NUBPL: variants seen among roughly 807,000 people sequenced by gnomAD.
NUBPL encodes iron-sulfur cluster transfer protein NUBPL.
Under a neutral mutation model 45.7 loss-of-function variants are expected in NUBPL, and 31 were observed. The observed-to-expected ratio is 0.68, with a 90% confidence interval of 0.51 to 0.92. The LOEUF (loss-of-function observed/expected upper bound fraction) is 0.92. Ranked by LOEUF, NUBPL falls within the 40% of genes least tolerant of loss-of-function variation. The probability of loss-of-function intolerance (pLI) is 0.00; values close to 1 mark genes in which losing one functional copy is unlikely to be tolerated. For synonymous variants in NUBPL, 144 were observed against 140.9 expected (o/e 1.02, Z -0.15); for missense variants, 401 against 398.7 (o/e 1.01, Z -0.05).
intron 6 of NUBPL, among the ~76,000 whole-genome samples, chr14:31,766,124 A>C (rs2038907723): frequency 6.6e-6 from 1 of 152,228 alleles, no homozygotes; most frequent in Non-Finnish European, 1.5e-5. Flanking sequence ...TAAGTTTTAA[A>C]GGAGTTTGGT....
chr14:31,639,672 G>T (rs886948066), intron 4 of NUBPL, among the ~76,000 whole-genome samples: 10 of 152,318 alleles, frequency 6.6e-5, no homozygotes, highest in African/African-American at 2.4e-4. Context: ...GTTTGTCTGT[G>T]CCCTACCCCA....
chr14:31,685,439 G>A (rs1342077791), intron 6 of NUBPL, among the ~76,000 whole-genome samples: 1 of 152,040 alleles, frequency 6.6e-6, no homozygotes, highest in African/African-American at 2.4e-5. Context: ...AGAATTTGGG[G>A]GCTGGGTGAG....
intron 6 of NUBPL, among the ~76,000 whole-genome samples, chr14:31,757,850 C>G (rs1057311866): frequency 5.3e-5 from 8 of 152,164 alleles, no homozygotes; most frequent in Middle Eastern, 3.4e-3. Context: ...CTCTACTTAC[C>G]TCATCTCTAC....
At chr14:31,772,078 C>G (rs2138766030) in intron 6 of NUBPL, among the ~76,000 whole-genome samples, 1 of 152,258 alleles carries the variant, frequency 6.6e-6, no homozygotes, top group African/African-American at 2.4e-5. Flanking sequence ...TGAATCTTCC[C>G]AAATACAAGT....
intron 4 of NUBPL, among the ~76,000 whole-genome samples, chr14:31,637,247 C>T (rs1360897698): frequency 3.3e-5 from 5 of 152,220 alleles, no homozygotes; most frequent in South Asian, 2.1e-4. Flanking sequence ...TTTCCCTCTA[C>T]ATACTGCTTT....
chr14:31,652,447 G>A (rs2036032495), intron 4 of NUBPL, among the ~76,000 whole-genome samples: 2 of 152,114 alleles, frequency 1.3e-5, no homozygotes, highest in Admixed American at 6.6e-5. Context: ...CATTTTAAGT[G>A]TTCTCACCAC....
intron 2 of NUBPL, among the ~76,000 whole-genome samples, chr14:31,563,437 C>T (rs145644520): frequency 0.023 from 3,470 of 152,250 alleles, 61 homozygotes; most frequent in Non-Finnish European, 0.035. Context: ...ACATGTGACA[C>T]GTAATGGGTG....
At chr14:31,580,441 A>T (rs1383871610) in intron 3 of NUBPL, among the ~76,000 whole-genome samples, 1 of 152,140 alleles carries the variant, frequency 6.6e-6, no homozygotes, top group Non-Finnish European at 1.5e-5. Flanking sequence ...TGAGCAACAT[A>T]GTGAGATCCC....
At chr14:31,652,073 G>T (rs1286223677) in intron 4 of NUBPL, among the ~76,000 whole-genome samples, 1 of 152,040 alleles carries the variant, frequency 6.6e-6, no homozygotes, top group Non-Finnish European at 1.5e-5. Context: ...TAAAGAAAAT[G>T]TGATATATAT....
intron 8 of NUBPL, among the ~76,000 whole-genome samples, chr14:31,841,887 A>T (rs2040373781): frequency 9.0e-6 from 1 of 111,522 alleles, no homozygotes; most frequent in Non-Finnish European, 1.7e-5. Flanking sequence ...ATTGTAACTT[A>T]GTGACTTTCA....
chr14:31,740,809 C>A (rs1469153159), intron 6 of NUBPL, among the ~76,000 whole-genome samples: 1 of 152,186 alleles, frequency 6.6e-6, no homozygotes, highest in Non-Finnish European at 1.5e-5. Flanking sequence ...CTCATCCCCC[C>A]AGTCTTTTTT....
intron 6 of NUBPL, among the ~76,000 whole-genome samples, chr14:31,745,196 C>T (rs1036625395): frequency 6.6e-6 from 1 of 152,030 alleles, no homozygotes; most frequent in East Asian, 1.9e-4. Flanking sequence ...TGCTATCCCT[C>T]CCCGCTCTCC....
chr14:31,666,552 C>T (rs932523538), intron 4 of NUBPL, among the ~76,000 whole-genome samples: 2 of 152,008 alleles, frequency 1.3e-5, no homozygotes, highest in Admixed American at 6.6e-5. Context: ...CATGAGCCAC[C>T]GTGCCCGGCC....
chr14:31,800,628 C>T (rs2138862982), intron 7 of NUBPL, among the ~76,000 whole-genome samples: 1 of 152,168 alleles, frequency 6.6e-6, no homozygotes, highest in South Asian at 2.1e-4. Flanking sequence ...AAGTGAAGTG[C>T]AATAAAATGA....
chr14:31,682,075 A>G (rs2036847207), intron 6 of NUBPL, among the ~76,000 whole-genome samples: 2 of 152,100 alleles, frequency 1.3e-5, no homozygotes, highest in African/African-American at 2.4e-5. Flanking sequence ...ATTTTTTTGT[A>G]ACTTTATTGA....
chr14:31,829,888 CA>C (rs1184772802), intron 8 of NUBPL, among the ~76,000 whole-genome samples: 1 of 152,136 alleles, frequency 6.6e-6, no homozygotes, highest in Non-Finnish European at 1.5e-5. Flanking sequence ...TCAATTATCT[CA>C]ATATTTGTAG....
At chr14:31,805,203 C>T (rs2039662523) in intron 7 of NUBPL, among the ~76,000 whole-genome samples, 1 of 152,122 alleles carries the variant, frequency 6.6e-6, no homozygotes, top group African/African-American at 2.4e-5. Flanking sequence ...AAATCAAAAC[C>T]ACAATGAGAT....
rs115939798 is a variant in NUBPL, at chr14:31,627,231, A to T, written c.382+27852A>T. On this transcript the variant is annotated intron_variant, in intron 4 of 10. Coordinates refer to ENST00000281081, the MANE Select transcript of NUBPL (RefSeq NM_025152.3). ...TTTTAATTTCCCCGCTTTACTTTTT[A>T]AAAAAAAACTTTCTCATAAGGGAAA... Among the ~76,000 whole-genome samples the T allele has an allele frequency of 9.8e-3, 1,488 of 151,744 alleles. 17 individuals carry two copies. The highest frequency in any genetic ancestry group is 0.031 in the African/African-American group (1,297 of 41,398).
chr14:31,814,348 G>C (rs1270894407), intron 7 of NUBPL, among the ~76,000 whole-genome samples: 1 of 152,078 alleles, frequency 6.6e-6, no homozygotes, highest in Non-Finnish European at 1.5e-5. Context: ...AGAAGTGTCT[G>C]TTCATATCTT....
Sources: allele counts gnomAD v4.1 joint callset (sites outside exome capture counted in the v4.1 genomes callset), GRCh38; gene constraint gnomAD v4.1.1; transcripts MANE v1.5; gene names NCBI Gene and HGNC (gene_info 2026-07-23, HGNC 2026-07-21).